The following ERGIC1 variants were observed in gnomAD, a reference collection of about 807,000 sequenced individuals.
ERGIC1 encodes the protein endoplasmic reticulum-Golgi intermediate compartment protein 1.
In ERGIC1, 19 loss-of-function variants were observed where a neutral mutation model predicts 38.3. The ratio of observed to expected loss-of-function variants is 0.50; its 90% CI spans 0.35 to 0.73. The LOEUF (loss-of-function observed/expected upper bound fraction) is 0.73. ERGIC1 is among the 30% of genes least tolerant of loss of function. ERGIC1 has a pLI of 0.01. For synonymous variants in ERGIC1, 124 were observed against 157.6 expected, an observed-to-expected ratio of 0.79 and a Z score of 1.60; for missense variants, 294 against 389.2, an observed-to-expected ratio of 0.76 and a Z score of 2.06.
At position 172,926,553 on chromosome 5, in the gene ERGIC1, C is replaced by T; in HGVS notation, c.525C>T (p.Asp175=). The change falls in exon 7 of 10, where the codon GAC becomes GAT. Residue 175 remains aspartate (D), a synonymous_variant. Coordinates refer to ENST00000393784, the MANE Select transcript of ERGIC1 (RefSeq NM_001031711.3). The surrounding 1 kb of genome is among the most constrained non-coding windows in gnomAD (Gnocchi z 5.2). ...CTTTCAATGCTCTCGGGGGAGCAGA[C>T]AGACTCACCTCCAACCGTATGTATC... ...HGAFNALGGA[D]RLTSNPLASH... is the part of the protein sequence containing the mutation. The T allele has an allele frequency of 6.2e-7, 1 of 1,612,904 alleles. No individual in the cohort carries two copies. The highest frequency in any genetic ancestry group is 8.5e-7 in the Non-Finnish European group (1 of 1,179,980).
At chr5:172,943,735 A>G (rs1764060056) in intron 9 of ERGIC1, among the ~76,000 whole-genome samples, 1 of 152,092 alleles carries the variant, frequency 6.6e-6, no homozygotes, top group African/African-American at 2.4e-5. Context: ...CAAAGCCCAC[A>G]ATCTCGCCTC....
intron 2 of ERGIC1, among the ~76,000 whole-genome samples, chr5:172,893,935 G>GTGTGTGTGTA (rs1429850022): frequency 1.4e-3 from 60 of 42,806 alleles, no homozygotes; most frequent in East Asian, 5.0e-3. Flanking sequence ...GTGTGTGTGT[G>GTGTGTGTGTA]TATATATATA....
In ERGIC1 at chr5:172,951,422, A is replaced by C. The variant is rs1006642906; in HGVS notation, c.*606A>C. The stretch of plus-strand genomic sequence containing the variant: ...TCCCTTCCTGCCCAACCTAGAACCC[A>C]GGCCTCAAGTCTTTACCCCACCCCT... On this transcript the variant is annotated 3_prime_UTR_variant, in exon 10 of 10. Transcript: ENST00000393784. 1 of 152,328 alleles carries C rather than the reference A, an allele frequency of 6.6e-6. No individual in the cohort carries two copies. The highest frequency in any genetic ancestry group is 1.5e-5 in the Non-Finnish European group (1 of 68,130). 9.4% of individuals were successfully genotyped at this position (152,328 alleles called of 1,614,324 possible).
At chr5:172,887,250 C>A (rs1762446778) in intron 1 of ERGIC1, among the ~76,000 whole-genome samples, 1 of 152,200 alleles carries the variant, frequency 6.6e-6, no homozygotes. Flanking sequence ...GAGCCGCCGG[C>A]CTCTCCAGCA....
rs140704691 is a variant in ERGIC1 at position 172,946,458 on chromosome 5, G to A, written c.766-4251G>A. On this transcript the variant is annotated intron_variant, in intron 9 of 9. Coordinates refer to ENST00000393784, the MANE Select transcript of ERGIC1 (RefSeq NM_001031711.3). ...AGAATATCTGCTGTTGGATCCCATT[G>A]TTCCCACATCATCCCAGGAATCCTA... 2.1e-3 allele frequency among the ~76,000 whole-genome samples: 321 copies of A among 152,260 alleles called. 1 individual carries two copies. The highest frequency in any genetic ancestry group is 3.5e-3 in the Non-Finnish European group (235 of 68,018).
At chr5:172,911,894 C>T (rs1452911428) in intron 4 of ERGIC1, among the ~76,000 whole-genome samples, 2 of 152,060 alleles carry the variant, frequency 1.3e-5, no homozygotes, top group Non-Finnish European at 2.9e-5. Flanking sequence ...CTTCTTGTCC[C>T]AGCATGCCAT....
Position 172,867,372 on chromosome 5 carries a change from C to T in ERGIC1, c.21-21327C>T, listed in dbSNP as rs915855540. On this transcript the variant is annotated intron_variant, in intron 1 of 9. Coordinates refer to ENST00000393784, the MANE Select transcript of ERGIC1 (RefSeq NM_001031711.3). ...AGAGCACAGGAGTCCTTGCTTAGCC[C>T]CAGCAATTCCACAGAACCTGCTGTG... 7.2e-6 allele frequency: 3 copies of T among 416,224 alleles called. No individual in the cohort carries two copies. In the Admixed American group the frequency reaches 7.6e-5, roughly 11 times the overall value. 25.8% of individuals were successfully genotyped at this position (416,224 alleles called of 1,614,324 possible).
At chr5:172,904,793 G>C (rs1050437010) in intron 3 of ERGIC1, among the ~76,000 whole-genome samples, 2 of 152,166 alleles carry the variant, frequency 1.3e-5, no homozygotes, top group Admixed American at 1.3e-4. Context: ...GAAGGCGAAG[G>C]CGGCTTTATT....
At chr5:172,946,795 CAGGG>C (rs1204616311) in intron 9 of ERGIC1, among the ~76,000 whole-genome samples, 3 of 152,098 alleles carry the variant, frequency 2.0e-5, no homozygotes, top group Non-Finnish European at 4.4e-5. Flanking sequence ...GCCAGTGTGT[CAGGG>C]AGGCCTGAAG....
At chr5:172,841,114 A>G (rs1252228842) in intron 1 of ERGIC1, among the ~76,000 whole-genome samples, 2 of 152,242 alleles carry the variant, frequency 1.3e-5, no homozygotes, top group Non-Finnish European at 2.9e-5. Context: ...GGAAGTGGCA[A>G]TTAGCCTAAT....
intron 1 of ERGIC1, among the ~76,000 whole-genome samples, chr5:172,850,758 C>T (rs1395026616): frequency 6.6e-6 from 1 of 152,132 alleles, no homozygotes; most frequent in Non-Finnish European, 1.5e-5. Context: ...ATGAAATTTC[C>T]TGACACATTT....
intron 3 of ERGIC1, chr5:172,898,352 GC>G (rs1414258964): frequency 6.5e-6 from 1 of 152,760 alleles, no homozygotes; most frequent in African/African-American, 2.4e-5. Context: ...GGAGGGACCT[GC>G]CCACAGCCAT....
chr5:172,896,398 T>G (rs1762722762), intron 2 of ERGIC1, among the ~76,000 whole-genome samples: 1 of 152,182 alleles, frequency 6.6e-6, no homozygotes, highest in Non-Finnish European at 1.5e-5. Context: ...TTTCTTCTCT[T>G]GAAGCACCGC....
Position 172,932,459 on chromosome 5 carries a change from C to T in ERGIC1, c.565C>T (p.Leu189=), listed in dbSNP as rs1763799746. 8 of 1,614,212 alleles carry T rather than the reference C, an allele frequency of 5.0e-6. No homozygotes were observed. Among genetic ancestry groups the T allele is most frequent in the Non-Finnish European group, 5.9e-6 (7 of 1,180,046 alleles). Residue 189 remains leucine (L), a synonymous_variant, in exon 8 of 10, where the codon CTG becomes TTG. Transcript: ENST00000393784. ...SNPLASHDYI[L]KIVPTVYEDK... ...AGCCCTGGCCTCCCACGACTACATC[C>T]TGAAGATTGTGCCCACGGTTTATGA...
chr5:172,904,187 A>T (rs1184625486), intron 3 of ERGIC1, among the ~76,000 whole-genome samples: 1 of 152,086 alleles, frequency 6.6e-6, no homozygotes, highest in Admixed American at 6.6e-5. Flanking sequence ...TGTAACTTAC[A>T]TACAGCAAAG....
In ERGIC1 at chr5:172,839,595, A is replaced by G. The variant is rs1287921122; in HGVS notation, c.20+5162A>G. The stretch of plus-strand genomic sequence containing the variant: ...CACACACACATACACACACACACAC[A>G]TACACACACATACACATACACATAT... On this transcript the variant is annotated intron_variant, in intron 1 of 9. Coordinates refer to ENST00000393784, the MANE Select transcript of ERGIC1 (RefSeq NM_001031711.3). Among the ~76,000 whole-genome samples the G allele has an allele frequency of 3.3e-5, 5 of 151,596 alleles. No homozygotes were observed. In the South Asian group the frequency reaches 6.2e-4, roughly 19 times the overall value.
At chr5:172,866,193 G>T (rs1030576777) in intron 1 of ERGIC1, among the ~76,000 whole-genome samples, 1 of 152,214 alleles carries the variant, frequency 6.6e-6, no homozygotes, top group Non-Finnish European at 1.5e-5. Context: ...GGTCAAGACA[G>T]TTGGAGCAAA....
chr5:172,927,575 TGTGC>T (rs925124612), intron 7 of ERGIC1, among the ~76,000 whole-genome samples: 1 of 148,494 alleles, frequency 6.7e-6, no homozygotes, highest in Non-Finnish European at 1.5e-5. Flanking sequence ...GCAGCTCTGC[TGTGC>T]TTTTTTTTTT....
intron 1 of ERGIC1, among the ~76,000 whole-genome samples, chr5:172,871,792 A>C (rs1393317298): frequency 2.6e-5 from 4 of 152,230 alleles, no homozygotes; most frequent in African/African-American, 7.2e-5. Context: ...CAGATAACAC[A>C]CAGCCAAAGA....
Sources: gnomAD v4.1 joint callset for allele counts (sites outside exome capture counted in the v4.1 genomes callset) on GRCh38, gnomAD v4.1.1 for gene constraint, Gnocchi (gnomAD v3.1) non-coding constraint, MANE v1.5 for transcripts, NCBI Gene and HGNC (gene_info 2026-07-23, HGNC 2026-07-21) for gene names.